Variants in DMD observed in about 807,000 individuals in gnomAD.
DMD encodes dystrophin, also known as mutant dystrophin.
Under a neutral mutation model 330.1 loss-of-function variants are expected in DMD, and 63 were observed. The observed-to-expected ratio is 0.19, with a 90% CI of 0.16 to 0.24. DMD has a LOEUF of 0.24. DMD is among the 10% of genes least tolerant of loss of function. The pLI is 1.00. For missense variants in DMD, 3,344 were observed against 2,684.1 expected, an observed-to-expected ratio of 1.25 and a Z score of -5.43; for synonymous variants, 1,223 against 959.8, an observed-to-expected ratio of 1.27 and a Z score of -5.07.
chrX:31,685,659 C>A (rs1396951161), intron 52 of DMD, among the ~76,000 whole-genome samples: 1 of 112,375 alleles, frequency 8.9e-6, no homozygotes, highest in East Asian at 2.8e-4. Context: ...GGCACTCATC[C>A]TTCAAGTATA....
chrX:33,103,814 T>TA (rs2095262436), intron 1 of DMD, among the ~76,000 whole-genome samples: 2 of 111,835 alleles, frequency 1.8e-5, no homozygotes, highest in African/African-American at 3.2e-5. Context: ...ATGGAATCAC[T>TA]AAAAAAATTA....
At chrX:31,738,146 ATTC>A (rs1353683485) in intron 51 of DMD, among the ~76,000 whole-genome samples, 1 of 111,735 alleles carries the variant, frequency 8.9e-6, no homozygotes, top group African/African-American at 3.3e-5. Context: ...AAATTTCTCA[ATTC>A]TTGGTCCATT....
chrX:32,222,703 T>A (rs73460010), intron 43 of DMD, among the ~76,000 whole-genome samples: 2,615 of 111,731 alleles, frequency 0.023, 70 homozygotes, highest in African/African-American at 0.08. Flanking sequence ...ATGACCAACA[T>A]AGAATCTGAG....
intron 45 of DMD, among the ~76,000 whole-genome samples, chrX:31,962,843 C>T (rs750079075): frequency 1.7e-4 from 19 of 111,371 alleles, no homozygotes; most frequent in African/African-American, 5.2e-4. Context: ...AGCAAGCGGA[C>T]GGGACAGATC....
At chrX:33,023,379 C>T (rs2093949047) in intron 1 of DMD, among the ~76,000 whole-genome samples, 2 of 111,378 alleles carry the variant, frequency 1.8e-5, no homozygotes, top group African/African-American at 6.5e-5. Context: ...ATGACTTTTG[C>T]TAAATATCTT....
At chrX:32,815,174 C>T (rs934208613) in intron 6 of DMD, among the ~76,000 whole-genome samples, 1 of 110,265 alleles carries the variant, frequency 9.1e-6, no homozygotes, top group African/African-American at 3.3e-5. Flanking sequence ...TTAAATCCAG[C>T]TGGAGCAAGA....
chrX:31,954,602 T>C (rs1464505497), intron 45 of DMD, among the ~76,000 whole-genome samples: 2 of 110,670 alleles, frequency 1.8e-5, no homozygotes, highest in African/African-American at 6.6e-5. Flanking sequence ...TGGATAGAAC[T>C]GGAGGTAATT....
intron 30 of DMD, among the ~76,000 whole-genome samples, chrX:32,397,637 T>A (rs185554182): frequency 6.3e-5 from 7 of 111,989 alleles, no homozygotes; most frequent in African/African-American, 2.3e-4. Flanking sequence ...TAACCATTTT[T>A]CCATTGAATA....
intron 44 of DMD, among the ~76,000 whole-genome samples, chrX:32,088,820 C>T (rs781375258): frequency 9.0e-6 from 1 of 110,509 alleles, no homozygotes; most frequent in South Asian, 3.8e-4. Context: ...GAGAATGACA[C>T]ATATAAATAA....
intron 60 of DMD, among the ~76,000 whole-genome samples, chrX:31,361,994 C>T (rs1420066646): frequency 8.9e-6 from 1 of 111,916 alleles, no homozygotes; most frequent in Non-Finnish European, 1.9e-5. Flanking sequence ...TGGTCTCCAT[C>T]CTCCTATCTT....
At chrX:32,953,324 T>C (rs2091374490) in intron 2 of DMD, among the ~76,000 whole-genome samples, 1 of 110,909 alleles carries the variant, frequency 9.0e-6, no homozygotes, top group African/African-American at 3.3e-5. Context: ...AGCAAAACTA[T>C]CAATTTTTGT....
intron 78 of DMD, among the ~76,000 whole-genome samples, chrX:31,122,996 TTACTAGGCTA>T (rs748208835): frequency 1.3e-3 from 141 of 112,029 alleles, no homozygotes; most frequent in Non-Finnish European, 2.3e-3. Flanking sequence ...CTGAAATGCT[TTACTAGGCTA>T]TTACTACCTT....
chrX:31,907,338 C>G (rs1221848149), intron 47 of DMD, among the ~76,000 whole-genome samples: 1 of 111,963 alleles, frequency 8.9e-6, no homozygotes, highest in Non-Finnish European at 1.9e-5. Flanking sequence ...GTAACCAAAA[C>G]AGCATGGTAC....
intron 34 of DMD, 68 bp downstream of exon 34, chrX:32,380,442 T>G: frequency 1.0e-6 from 1 of 1,002,252 alleles, no homozygotes. Context: ...ATGTTAATAC[T>G]TCCTTACAAA....
At position 31,702,009 on chromosome X, in the gene DMD, G is replaced by A. The variant is rs182775306; in HGVS notation, c.7661-22423C>T. 2.3e-3 allele frequency among the ~76,000 whole-genome samples: 254 copies of A among 112,446 alleles called. 1 individual carries two copies. The highest frequency in any genetic ancestry group is 7.7e-3 in the African/African-American group (238 of 30,975). On this transcript the variant is annotated intron_variant, in intron 52 of 78. Transcript: ENST00000357033. ...TAGCAGTGACCTTAAAGTTGCTACA[G>A]TATTAGAGAGTCTAAAGTCTTTATG...
chrX:32,516,013 T>A (rs1325828448), intron 18 of DMD, among the ~76,000 whole-genome samples: 1 of 110,750 alleles, frequency 9.0e-6, no homozygotes, highest in Non-Finnish European at 1.9e-5. Flanking sequence ...ATATGCTAAC[T>A]GGCTAAAAGC....
At chrX:32,548,162 T>A (rs767599957) in intron 16 of DMD, among the ~76,000 whole-genome samples, 2 of 111,519 alleles carry the variant, frequency 1.8e-5, no homozygotes, top group South Asian at 7.5e-4. Flanking sequence ...TAATGTTTAT[T>A]GAATATATAT....
At chrX:32,492,217 G>A (rs1343389532) in intron 19 of DMD, among the ~76,000 whole-genome samples, 11 of 111,081 alleles carry the variant, frequency 9.9e-5, no homozygotes, top group African/African-American at 2.9e-4. Flanking sequence ...GGGCGCCTGG[G>A]GTTCCAGCTA....
intron 60 of DMD, among the ~76,000 whole-genome samples, chrX:31,426,591 G>A (rs1211670544): frequency 2.7e-5 from 3 of 111,950 alleles, no homozygotes; most frequent in African/African-American, 6.5e-5. Context: ...CTGTTTACCC[G>A]AACTCCCCAC....
Sources: allele counts gnomAD v4.1 joint callset (sites outside exome capture counted in the v4.1 genomes callset), GRCh38; gene constraint gnomAD v4.1.1; transcripts MANE v1.5; gene names NCBI Gene and HGNC (gene_info 2026-07-23, HGNC 2026-07-21).